Variants in ABHD17C observed in about 807,000 individuals in gnomAD.
ABHD17C encodes the protein alpha/beta hydrolase domain-containing protein 17C.
In ABHD17C, 11 loss-of-function variants were observed where a neutral mutation model predicts 27.9. That is an observed-to-expected ratio of 0.39 (90% CI 0.25 to 0.65). The LOEUF (loss-of-function observed/expected upper bound fraction) is 0.65. Among genes scored for constraint, ABHD17C ranks in the 30% least tolerant of loss-of-function variants. ABHD17C has a pLI of 0.45. For missense variants in ABHD17C, 280 were observed against 470.2 expected, an observed-to-expected ratio of 0.60 and a Z score of 3.74; for synonymous variants, 233 against 209.1, an observed-to-expected ratio of 1.11 and a Z score of -0.98.
Position 80,724,536 on chromosome 15 carries a change from A to G in ABHD17C, c.591-24977A>G, listed in dbSNP as rs191888515. On this transcript the variant is annotated intron_variant, in intron 1 of 2. Coordinates refer to ENST00000258884, the MANE Select transcript of ABHD17C (RefSeq NM_021214.2). ...AGTTATGTCTTGTTTAGAATGATGT[A>G]TAAAATATTAAAAGGGATAAATTCT... 1.1e-4 allele frequency among the ~76,000 whole-genome samples: 16 copies of G among 147,928 alleles called. No individual in the cohort carries two copies. The East Asian group carries it at 3.0e-3, about 28-fold the overall frequency.
intron 1 of ABHD17C, 23 bp from the exon 2 acceptor site, chr15:80,749,490 C>A: frequency 1.2e-6 from 2 of 1,609,832 alleles, no homozygotes; most frequent in South Asian, 1.1e-5. Context: ...TAGCTAATGG[C>A]ATACAACCTC....
At chr15:80,722,362 T>C (rs1221119503) in intron 1 of ABHD17C, among the ~76,000 whole-genome samples, 1 of 150,682 alleles carries the variant, frequency 6.6e-6, no homozygotes, top group African/African-American at 2.4e-5. Flanking sequence ...TTATCTTCAC[T>C]ATGAGAAAGG....
intron 1 of ABHD17C, among the ~76,000 whole-genome samples, chr15:80,745,625 C>A (rs1029689527): frequency 6.6e-6 from 1 of 151,622 alleles, no homozygotes; most frequent in African/African-American, 2.4e-5. Flanking sequence ...CCTTGGCCTT[C>A]CAAAGCGCTG....
At position 80,726,511 on chromosome 15, in the gene ABHD17C, T is replaced by G. The variant is rs1189853653; in HGVS notation, c.591-23002T>G. 2.5e-3 allele frequency among the ~76,000 whole-genome samples: 339 copies of G among 136,790 alleles called. 12 individuals are homozygous for G. The highest frequency in any genetic ancestry group is 3.5e-3 in the Middle Eastern group (1 of 284). 89.7% of individuals were successfully genotyped at this position (136,790 alleles called of 152,430 possible). A position where few individuals can be genotyped will look rare whatever the true frequency, so the allele number is the denominator to read the frequency against. On this transcript the variant is annotated intron_variant, in intron 1 of 2. Transcript: ENST00000258884. ...TTGCTTCTTTTTCTGGTTTTTTTTT[T>G]TTTTTTTTTTTTTTTTTTGAGACGG...
chr15:80,755,213 T>G lies in ABHD17C; in HGVS notation c.*843T>G, dbSNP rs992063644. 1 of 152,238 alleles carries G rather than the reference T, an allele frequency of 6.6e-6. No homozygotes were observed. The highest frequency in any genetic ancestry group is 2.1e-4 in the South Asian group (1 of 4,830). 9.4% of individuals were successfully genotyped at this position (152,238 alleles called of 1,614,324 possible). A position where few individuals can be genotyped will look rare whatever the true frequency, so the allele number is the denominator to read the frequency against. On this transcript the variant is annotated 3_prime_UTR_variant, in exon 3 of 3. Transcript: ENST00000258884. ...ATTCCTTGTTTGTAATGTAAATGATTGAATACATTTTGTTAATATGTTTTT... is the reference window on the plus strand; with the variant it reads ...ATTCCTTGTTTGTAATGTAAATGATGGAATACATTTTGTTAATATGTTTTT...
chr15:80,697,688 A>G (rs894588977), intron 1 of ABHD17C, among the ~76,000 whole-genome samples: 7 of 151,976 alleles, frequency 4.6e-5, no homozygotes, highest in African/African-American at 1.7e-4. Context: ...ATGTTGAATT[A>G]TCTGATAGTG....
intron 1 of ABHD17C, among the ~76,000 whole-genome samples, chr15:80,737,385 G>A (rs888303882): frequency 1.3e-5 from 2 of 152,130 alleles, no homozygotes; most frequent in African/African-American, 4.8e-5. Context: ...GGTAAACTTC[G>A]AATGGATTAT....
intron 1 of ABHD17C, among the ~76,000 whole-genome samples, chr15:80,739,453 G>T (rs956551837): frequency 6.6e-6 from 1 of 152,202 alleles, no homozygotes; most frequent in Non-Finnish European, 1.5e-5. Context: ...GACCCCCAGT[G>T]TTGGAGATGG....
intron 1 of ABHD17C, among the ~76,000 whole-genome samples, chr15:80,719,252 C>T (rs1567033634): frequency 6.6e-6 from 1 of 152,218 alleles, no homozygotes; most frequent in Non-Finnish European, 1.5e-5. Flanking sequence ...TGACTTTCTG[C>T]AAAGAAGTGA....
rs539215837 is a variant in ABHD17C at position 80,708,738 on chromosome 15, G to A, written c.590+12719G>A. On this transcript the variant is annotated intron_variant, in intron 1 of 2. Coordinates refer to ENST00000258884, the MANE Select transcript of ABHD17C (RefSeq NM_021214.2). ...GCCTGGCGGGTAATGGGTACTCATC[G>A]GATATTGGTTGAGTAAATAAACAGG... Among the ~76,000 whole-genome samples the A allele has an allele frequency of 3.9e-5, 6 of 152,308 alleles. No homozygotes were observed. In the South Asian group the frequency reaches 6.2e-4, roughly 16 times the overall value.
chr15:80,736,229 T>C (rs1182200986), intron 1 of ABHD17C, among the ~76,000 whole-genome samples: 1 of 152,264 alleles, frequency 6.6e-6, no homozygotes, highest in Non-Finnish European at 1.5e-5. Flanking sequence ...AAATTTTACT[T>C]AGTATAATGC....
intron 1 of ABHD17C, among the ~76,000 whole-genome samples, chr15:80,719,789 G>A (rs1400004350): frequency 1.3e-5 from 2 of 151,942 alleles, no homozygotes; most frequent in Non-Finnish European, 2.9e-5. Context: ...CCTGAATTTT[G>A]TGATCACCTT....
At chr15:80,748,252 C>T (rs192631405) in intron 1 of ABHD17C, among the ~76,000 whole-genome samples, 1 of 152,306 alleles carries the variant, frequency 6.6e-6, no homozygotes, top group African/African-American at 2.4e-5. Context: ...TTTCACTGAA[C>T]GCCGTTATCA....
intron 1 of ABHD17C, among the ~76,000 whole-genome samples, chr15:80,725,812 T>TTTTGTTTG (rs74801112): frequency 6.6e-6 from 1 of 151,008 alleles, no homozygotes; most frequent in Admixed American, 6.6e-5. Flanking sequence ...ACCAGCAGTT[T>TTTTGTTTG]TTTGTTTGTT....
intron 1 of ABHD17C, among the ~76,000 whole-genome samples, chr15:80,742,369 A>C (rs1273647423): frequency 6.6e-6 from 1 of 152,138 alleles, no homozygotes; most frequent in Non-Finnish European, 1.5e-5. Context: ...GAAGGATACA[A>C]GTGTATGTCC....
chr15:80,705,366 T>TGTGTGTGTGTGTGTGTGTG (rs1300324609), intron 1 of ABHD17C, among the ~76,000 whole-genome samples: 1 of 150,680 alleles, frequency 6.6e-6, no homozygotes, highest in Non-Finnish European at 1.5e-5. Flanking sequence ...TGTGTGTGTG[T>TGTGTGTGTGTGTGTGTGTG]GGTTAGGAGC....
chr15:80,745,858 C>CTGTT (rs1329417550), intron 1 of ABHD17C, among the ~76,000 whole-genome samples: 1 of 152,196 alleles, frequency 6.6e-6, no homozygotes, highest in East Asian at 1.9e-4. Context: ...ATCCACTCTG[C>CTGTT]TGTTGATATA....
In ABHD17C at chr15:80,695,818, C is replaced by T; in HGVS notation, c.389C>T (p.Ser130Phe). 1 of 1,572,758 alleles carries T rather than the reference C, an allele frequency of 6.4e-7. No individual in the cohort carries two copies. The highest frequency in any genetic ancestry group is 8.6e-7 in the Non-Finnish European group (1 of 1,168,416). ...LGCMFVRCAP[S>F]SRYTLLFSHG... Reference sequence around the variant, plus strand: ...TGCATGTTCGTGCGCTGCGCGCCCTCCAGCCGCTACACGCTGCTCTTCTCG... The same window carrying T: ...TGCATGTTCGTGCGCTGCGCGCCCTTCAGCCGCTACACGCTGCTCTTCTCG... The change falls in exon 1 of 3, where the codon TCC (serine) becomes TTC (phenylalanine). Residue 130 changes from serine to phenylalanine, a missense_variant. By Grantham distance (155) the Ser-to-Phe change is radical (BLOSUM62 -2). Transcript: ENST00000258884. This position sits in a 1 kb window ranked among gnomAD's most constrained non-coding sequence, Gnocchi z 4.3.
In ABHD17C at chr15:80,719,697, G is replaced by A. The variant is rs763613242; in HGVS notation, c.590+23678G>A. 5.3e-5 allele frequency among the ~76,000 whole-genome samples: 8 copies of A among 152,126 alleles called. 1 individual carries two copies. The South Asian group carries it at 1.2e-3, about 24-fold the overall frequency. Reference sequence around the variant, plus strand: ...GATCTTTCTGATTTAAGGCAAATGTGTACTCCAATCATGGCTTAAAAACTG... The same window carrying A: ...GATCTTTCTGATTTAAGGCAAATGTATACTCCAATCATGGCTTAAAAACTG... On this transcript the variant is annotated intron_variant, in intron 1 of 2. Transcript: ENST00000258884.
Sources: allele counts gnomAD v4.1 joint callset (sites outside exome capture counted in the v4.1 genomes callset), GRCh38; gene constraint gnomAD v4.1.1; non-coding constraint Gnocchi (gnomAD v3.1); transcripts MANE v1.5; gene names NCBI Gene and HGNC (gene_info 2026-07-23, HGNC 2026-07-21).